Variants in ZBTB4 observed in about 807,000 individuals in gnomAD.
The protein encoded by ZBTB4 is zinc finger and BTB domain containing 4.
A neutral mutation model predicts 59.8 loss-of-function variants in ZBTB4; 14 were observed. That is an observed-to-expected ratio of 0.23 (90% CI 0.15 to 0.37). ZBTB4 has a LOEUF of 0.37. Ranked by LOEUF, ZBTB4 falls within the 10% of genes least tolerant of loss-of-function variation. The probability of loss-of-function intolerance (pLI) is 1.00; values close to 1 mark genes in which losing one functional copy is unlikely to be tolerated. For synonymous variants in ZBTB4, 587 were observed against 575.2 expected, an observed-to-expected ratio of 1.02 and a Z score of -0.29; for missense variants, 1,198 against 1,380.8, an observed-to-expected ratio of 0.87 and a Z score of 2.10.
At chr17:7,483,048 A>G, upstream of ZBTB4, 1 of 1,611,214 alleles carries the variant, frequency 6.2e-7, no homozygotes, top group East Asian at 2.2e-5. Flanking sequence ...GGATAAATAG[A>G]GGCAAAGACT....
In ZBTB4 at chr17:7,463,075, CTCTCCTCCA is replaced by C. The variant is rs776097007; in HGVS notation, c.1898_1906del (p.Met633_Glu635del). 4 of 1,611,244 alleles carry C rather than the reference CTCTCCTCCA, an allele frequency of 2.5e-6. No homozygotes were observed. Among genetic ancestry groups the C allele is most frequent in the Non-Finnish European group, 3.4e-6 (4 of 1,179,550 alleles). On this transcript the variant is annotated inframe_deletion, in exon 4 of 4. Coordinates refer to ENST00000380599, the MANE Select transcript of ZBTB4 (RefSeq NM_001128833.2). ...GTCCTCCTCCTCTTCGTCCTCCTCA[CTCTCCTCCA>C]TCTCCTCTCCGCTCAGCTCCCCAGG...
chr17:7,484,093 A>C (rs1176418543), upstream of ZBTB4: 4 of 152,316 alleles, frequency 2.6e-5, no homozygotes, highest in Non-Finnish European at 5.9e-5. Context: ...AACTAGAATG[A>C]AAGCGGCCCA....
In ZBTB4 at chr17:7,463,523, T is replaced by C. The variant is rs2070066798; in HGVS notation, c.1459A>G (p.Ser487Gly). ...PAPSVIVHGGSSSGGGGSGTA... is the reference protein window; with the variant it reads ...PAPSVIVHGGGSSGGGGSGTA... ...CCACTCCCCCCTCCACCACTGCTAC[T>C]GCCCCCATGGACAATGACAGAGGGG... The change falls in exon 4 of 4, where the codon AGT (serine) becomes GGT (glycine). Residue 487 changes from serine (S) to glycine (G), a missense_variant. Physicochemically the swap from Ser to Gly is moderately conservative, Grantham distance 56 (BLOSUM62 0). Around this residue, in one of 9 missense-constraint regions of ZBTB4, gnomAD observed 550 missense variants for 541.8 expected, o/e 1.02. Coordinates refer to ENST00000380599, the MANE Select transcript of ZBTB4 (RefSeq NM_001128833.2). 1 of 1,574,718 alleles carries C rather than the reference T, an allele frequency of 6.4e-7. No homozygotes were observed. Among genetic ancestry groups the C allele is most frequent in the Non-Finnish European group, 8.6e-7 (1 of 1,160,812 alleles).
chr17:7,465,463 CAAA>C (rs71157289), intron 3 of ZBTB4, among the ~76,000 whole-genome samples: 13 of 82,986 alleles, frequency 1.6e-4, no homozygotes, highest in Admixed American at 2.4e-4. Context: ...GGCTCTGTCT[CAAA>C]AAAAAAAAAA....
intron 3 of ZBTB4, among the ~76,000 whole-genome samples, chr17:7,465,017 G>T (rs777047070): frequency 6.0e-5 from 9 of 151,160 alleles, no homozygotes; most frequent in East Asian, 1.9e-4. Flanking sequence ...TTAGCCGGGC[G>T]TGATGGCGGG....
chr17:7,466,548 G>C lies in ZBTB4; in HGVS notation c.254C>G (p.Ser85Cys). Residue 85 changes from serine to cysteine, a missense_variant, in exon 3 of 4, where the codon TCT (serine) becomes TGT (cysteine). By Grantham distance (112) the Ser-to-Cys change is moderately radical. This residue lies in a region of ZBTB4 where 83 missense variants were observed against 76.5 expected (regional missense o/e 1.09). Transcript: ENST00000380599. The surrounding 1 kb of genome is among the most constrained non-coding windows in gnomAD (Gnocchi z 9.1). Reference protein sequence around the residue: ...APNPATTTAASSSSSSSSSSS... With the variant: ...APNPATTTAACSSSSSSSSSS... Reference sequence around the variant, plus strand: ...AGACGAGGAAGAGGAGGAGGAGGAAGAGGCAGCTGTGGTGGTGGCAGGGTT... The same window carrying C: ...AGACGAGGAAGAGGAGGAGGAGGAACAGGCAGCTGTGGTGGTGGCAGGGTT... The C allele has an allele frequency of 6.2e-7, 1 of 1,612,946 alleles. No individual in the cohort carries two copies. The highest frequency in any genetic ancestry group is 8.5e-7 in the Non-Finnish European group (1 of 1,179,540).
chr17:7,471,328 C>A (rs2070194810), intron 1 of ZBTB4, among the ~76,000 whole-genome samples: 1 of 152,140 alleles, frequency 6.6e-6, no homozygotes, highest in Non-Finnish European at 1.5e-5. Flanking sequence ...GGACCATAGG[C>A]TTATGTCACA....
At position 7,460,111 on chromosome 17, in the gene ZBTB4, A is replaced by AT. The variant is rs34579688; in HGVS notation, c.*1828dup. The AT allele has an allele frequency of 8.6e-5, 13 of 151,156 alleles. No individual in the cohort carries two copies. Among genetic ancestry groups the AT allele is most frequent in the South Asian group, 4.2e-4 (2 of 4,794 alleles). 9.4% of individuals were successfully genotyped at this position (151,156 alleles called of 1,614,324 possible). A position where few individuals can be genotyped will look rare whatever the true frequency, so the allele number is the denominator to read the frequency against. ...ACAAGATTTGTGGGAATTTTTAGTG[A>AT]TTTTTTTTTTTGTGTGTTTTTCCCC... On this transcript the variant is annotated 3_prime_UTR_variant, in exon 4 of 4. Transcript: ENST00000380599.
intron 1 of ZBTB4, among the ~76,000 whole-genome samples, chr17:7,476,435 C>T (rs539812689): frequency 6.6e-6 from 1 of 152,178 alleles, no homozygotes; most frequent in Non-Finnish European, 1.5e-5. Flanking sequence ...ATTGCTTGAG[C>T]CCAGGAGTTT....
intron 3 of ZBTB4, among the ~76,000 whole-genome samples, chr17:7,464,532 T>A (rs1389893623): frequency 3.3e-5 from 5 of 151,834 alleles, no homozygotes; most frequent in Non-Finnish European, 5.9e-5. Context: ...GGCTTTTTTT[T>A]TAAATTCTCA....
At chr17:7,463,932 T>C in intron 3 of ZBTB4, 42 bp from the exon 4 acceptor site, 5 of 1,577,682 alleles carry the variant, frequency 3.2e-6, no homozygotes, top group Non-Finnish European at 4.3e-6. Context: ...ACACAGGCAC[T>C]TGAGTCAAGG....
upstream of ZBTB4, chr17:7,482,620 T>C: frequency 6.2e-7 from 1 of 1,612,104 alleles, no homozygotes. Flanking sequence ...TCTATCGTTC[T>C]CTGCACTTTC....
intron 1 of ZBTB4, among the ~76,000 whole-genome samples, chr17:7,477,197 G>C (rs2070280112): frequency 6.6e-6 from 1 of 152,130 alleles, no homozygotes; most frequent in Non-Finnish European, 1.5e-5. Context: ...TCCTGGGGGA[G>C]GGCTGACAGG....
At position 7,463,177 on chromosome 17, in the gene ZBTB4, C is replaced by T; in HGVS notation, c.1805G>A (p.Cys602Tyr). 6.2e-7 allele frequency: 1 copy of T among 1,607,504 alleles called. No homozygotes were observed. Among genetic ancestry groups the T allele is most frequent in the South Asian group, 1.1e-5 (1 of 90,410 alleles). The change falls in exon 4 of 4, where the codon TGT becomes TAT. Residue 602 changes from cysteine to tyrosine, a missense_variant. Transcript: ENST00000380599. ...CTCCCCTATTCGCACAGTGATCTGA[C>T]ACAGTGGAGGTGGAGCCTGCAGCTG... is the stretch of plus-strand genomic sequence containing the variant. ...PSQLQAPPPL[C>Y]QITVRIGEEA...
At position 7,462,449 on chromosome 17, in the gene ZBTB4, C is replaced by T. The variant is rs760049431; in HGVS notation, c.2533G>A (p.Ala845Thr). The T allele has an allele frequency of 2.9e-5, 47 of 1,613,722 alleles. No homozygotes were observed. The highest frequency in any genetic ancestry group is 5.5e-5 in the South Asian group (5 of 91,088). ...GAAATGATAGGGTCCTGGAGTGAGGCGGTCTCGGAAGCTTCCTCAGCAGCA... is the reference window on the plus strand; with the variant it reads ...GAAATGATAGGGTCCTGGAGTGAGGTGGTCTCGGAAGCTTCCTCAGCAGCA... Reference protein sequence around the residue: ...STAAEEASETASLQDPIISGG... With the variant: ...STAAEEASETTSLQDPIISGG... Residue 845 changes from alanine (A) to threonine (T), a missense_variant, in exon 4 of 4, where the codon GCC becomes ACC. Ala to Thr is a moderately conservative substitution (Grantham distance 58). Around this residue, in one of 9 missense-constraint regions of ZBTB4, gnomAD observed 211 missense variants for 236.1 expected, o/e 0.89. Coordinates refer to ENST00000380599, the MANE Select transcript of ZBTB4 (RefSeq NM_001128833.2). This position sits in a 1 kb window ranked among gnomAD's most constrained non-coding sequence, Gnocchi z 7.5.
intron 1 of ZBTB4, among the ~76,000 whole-genome samples, chr17:7,475,537 C>T (rs78626473): frequency 0.17 from 25,722 of 151,608 alleles, 3,181 homozygotes; most frequent in East Asian, 0.6. Context: ...CTGCAACCTC[C>T]GTCTCCTGGG....
intron 1 of ZBTB4, among the ~76,000 whole-genome samples, chr17:7,467,549 G>A (rs1399025221): frequency 3.3e-5 from 5 of 152,184 alleles, no homozygotes; most frequent in Non-Finnish European, 7.3e-5. Flanking sequence ...GATTATTGCA[G>A]AGCCTTGTTC....
intron 1 of ZBTB4, among the ~76,000 whole-genome samples, chr17:7,475,504 C>T (rs545024439): frequency 6.6e-5 from 10 of 151,984 alleles, no homozygotes; most frequent in Non-Finnish European, 1.3e-4. Flanking sequence ...CAGGCTGGAG[C>T]GCAGTGGCGT....
At chr17:7,480,988 C>T (rs2070338119), upstream of ZBTB4, among the ~76,000 whole-genome samples, 1 of 151,978 alleles carries the variant, frequency 6.6e-6, no homozygotes, top group Non-Finnish European at 1.5e-5. Context: ...GGAGAAACCC[C>T]ATCTCTACGA....
Sources: gnomAD v4.1 joint callset for allele counts (sites outside exome capture counted in the v4.1 genomes callset) on GRCh38, gnomAD v4.1.1 for gene constraint, gnomAD v4.1.1 regional missense constraint, Gnocchi (gnomAD v3.1) non-coding constraint, MANE v1.5 for transcripts, NCBI Gene and HGNC (gene_info 2026-07-23, HGNC 2026-07-21) for gene names.